Variants in VLDLR observed in about 807,000 individuals in gnomAD.
VLDLR encodes very low density lipoprotein receptor.
A neutral mutation model predicts 112.7 loss-of-function variants in VLDLR; 81 were observed. The ratio of observed to expected loss-of-function variants is 0.72; its 90% CI spans 0.60 to 0.86. The LOEUF is 0.86. VLDLR is among the 40% of genes least tolerant of loss of function. The pLI is 0.00. For synonymous variants in VLDLR, 436 were observed against 384.8 expected, an observed-to-expected ratio of 1.13 and a Z score of -1.56; for missense variants, 1,237 against 1,099.4, an observed-to-expected ratio of 1.13 and a Z score of -1.77.
rs2130746312 is a variant in VLDLR at position 2,621,959 on chromosome 9, T to G, written c.-231T>G. ...TGCCCGCAGGCTCGGCTTGCACTGC[T>G]GCTGCAGCCCGGGGAGGTGGCTGGG... On this transcript the variant is annotated 5_prime_UTR_variant, in exon 1 of 19. Coordinates refer to ENST00000382100, the MANE Select transcript of VLDLR (RefSeq NM_003383.5). 1.5e-6 allele frequency: 1 copy of G among 661,622 alleles called. No individual in the cohort carries two copies. The highest frequency in any genetic ancestry group is 3.0e-5 in the East Asian group (1 of 33,600). 41.0% of individuals were successfully genotyped at this position (661,622 alleles called of 1,614,324 possible).
intron 1 of VLDLR, among the ~76,000 whole-genome samples, chr9:2,629,202 G>C (rs1212851677): frequency 1.3e-5 from 2 of 152,212 alleles, no homozygotes; most frequent in Non-Finnish European, 2.9e-5. Context: ...TGATGCACAC[G>C]GGAGCTTGAG....
rs1212702105 is a variant in VLDLR at position 2,659,828 on chromosome 9, A to C, written c.*5960A>C. 6.6e-6 allele frequency: 1 copy of C among 152,230 alleles called. No individual in the cohort carries two copies. The highest frequency in any genetic ancestry group is 1.5e-5 in the Non-Finnish European group (1 of 68,036). 9.4% of individuals were successfully genotyped at this position (152,230 alleles called of 1,614,324 possible). On this transcript the variant is annotated 3_prime_UTR_variant, in exon 19 of 19. Coordinates refer to ENST00000382100, the MANE Select transcript of VLDLR (RefSeq NM_003383.5). ...GAAGAGAGTTTTTTTGAACAAAATG[A>C]CTGGCTTTGACAAAACTATCTTGCT...
In VLDLR at chr9:2,648,279, C is replaced by T. The variant is rs764246679; in HGVS notation, c.1894C>T (p.Gln632Ter). ...HMLSSVDLNGQDRRIVLKSLE... is the reference protein window; with the variant it reads ...HMLSSVDLNG The stretch of plus-strand genomic sequence containing the variant: ...GTTATCCAGCGTGGACTTGAATGGC[C>T]AAGATCGTAGGATAGTACTAAAGTC... The change falls in exon 13 of 19, where the codon CAA becomes TAA. Residue 632 changes from glutamine (Q) to a stop codon, truncating the protein, a stop_gained. Transcript: ENST00000382100. LOFTEE classifies it high-confidence loss of function. 2 of 1,614,056 alleles carry T rather than the reference C, an allele frequency of 1.2e-6. No homozygotes were observed. The highest frequency in any genetic ancestry group is 2.7e-5 in the African/African-American group (2 of 74,926).
chr9:2,623,779 C>A (rs1170579829), intron 1 of VLDLR, among the ~76,000 whole-genome samples: 2 of 152,146 alleles, frequency 1.3e-5, no homozygotes, highest in Non-Finnish European at 2.9e-5. Flanking sequence ...ATGCCTTCCC[C>A]TGCCTGGACT....
At chr9:2,641,555 G>T (rs200696982) in intron 4 of VLDLR, 56 bp downstream of exon 4, 2 of 1,611,902 alleles carry the variant, frequency 1.2e-6, no homozygotes, top group Non-Finnish European at 1.7e-6. Context: ...TAAAGGAAGG[G>T]TGGGCAGGGG....
rs1446840527 is a variant in VLDLR at position 2,636,195 on chromosome 9, C to T, written c.202+623C>T. On this transcript the variant is annotated intron_variant, in intron 2 of 18. Coordinates refer to ENST00000382100, the MANE Select transcript of VLDLR (RefSeq NM_003383.5). ...ATGCCTATGTATGCAATCTATACAA[C>T]CTCATGTCAAGCCAAAATAGCTGAG... is the stretch of plus-strand genomic sequence containing the variant. 2.6e-5 allele frequency among the ~76,000 whole-genome samples: 4 copies of T among 152,170 alleles called. No homozygotes were observed. The South Asian group carries it at 6.2e-4, about 24-fold the overall frequency.
intron 4 of VLDLR, among the ~76,000 whole-genome samples, chr9:2,642,949 C>CT (rs1415607604): frequency 6.6e-6 from 1 of 152,080 alleles, no homozygotes; most frequent in East Asian, 1.9e-4. Flanking sequence ...TTTCTTGGTT[C>CT]TTTATTTCTG....
intron 9 of VLDLR, among the ~76,000 whole-genome samples, 166 bp downstream of exon 9, chr9:2,645,248 T>C (rs972494201): frequency 4.6e-5 from 7 of 152,228 alleles, no homozygotes; most frequent in African/African-American, 1.7e-4. Flanking sequence ...ATCTCTCCCC[T>C]AGATATGTAC....
At chr9:2,624,336 A>AT (rs988317437) in intron 1 of VLDLR, among the ~76,000 whole-genome samples, 2 of 152,190 alleles carry the variant, frequency 1.3e-5, no homozygotes, top group African/African-American at 2.4e-5. Context: ...GTCTCAGGGC[A>AT]TGTGGGCTGA....
Position 2,622,033 on chromosome 9 carries a change from C to T in VLDLR, c.-157C>T, listed in dbSNP as rs1479616038. 1.4e-6 allele frequency: 1 copy of T among 727,920 alleles called. No individual in the cohort carries two copies. 45.1% of individuals were successfully genotyped at this position (727,920 alleles called of 1,614,324 possible). ...GTTGTAGGGGAGGGGGTGCCCTCTTCTTCCCCGCTCCCTTCCCCCGCCAAC... is the reference window on the plus strand; with the variant it reads ...GTTGTAGGGGAGGGGGTGCCCTCTTTTTCCCCGCTCCCTTCCCCCGCCAAC... On this transcript the variant is annotated 5_prime_UTR_variant, in exon 1 of 19. Coordinates refer to ENST00000382100, the MANE Select transcript of VLDLR (RefSeq NM_003383.5).
At chr9:2,647,295 G>C (rs544557567) in intron 11 of VLDLR, among the ~76,000 whole-genome samples, 179 bp from the exon 12 acceptor site, 1 of 152,178 alleles carries the variant, frequency 6.6e-6, no homozygotes, top group Non-Finnish European at 1.5e-5. Flanking sequence ...TAATGAGCTT[G>C]TAGATTCTTA....
rs1240241090 is a variant in VLDLR at position 2,643,332 on chromosome 9, C to T, written c.621C>T (p.Pro207=). 1.2e-6 allele frequency: 2 copies of T among 1,614,054 alleles called. No individual in the cohort carries two copies. Among genetic ancestry groups the T allele is most frequent in the African/African-American group, 1.3e-5 (1 of 74,924 alleles). The change falls in exon 5 of 19, where the codon CCC becomes CCT. Residue 207 remains proline (P), a synonymous_variant. Coordinates refer to ENST00000382100, the MANE Select transcript of VLDLR (RefSeq NM_003383.5). ...AGTGCAGCACCTCCTCCTGCATCCC[C>T]ATCAGCTGGGTATGCGACGATGATG... ...EFQCSTSSCI[P]ISWVCDDDAD... is the part of the protein sequence containing the mutation.
Position 2,643,943 on chromosome 9 carries a change from G to A in VLDLR, c.1050G>A (p.Glu350=). 1.9e-6 allele frequency: 3 copies of A among 1,614,056 alleles called. No individual in the cohort carries two copies. Among genetic ancestry groups the A allele is most frequent in the Non-Finnish European group, 2.5e-6 (3 of 1,180,012 alleles). ...QEQDCRDWSD[E]PLKECHINEC... ...AGGACTGCAGGGACTGGAGTGATGA[G>A]CCCCTGAAAGAGTGTCGTAAGTGTA... Residue 350 remains glutamate, a synonymous_variant, in exon 7 of 19, where the codon GAG becomes GAA. Coordinates refer to ENST00000382100, the MANE Select transcript of VLDLR (RefSeq NM_003383.5).
chr9:2,623,317 T>C (rs1323183653), intron 1 of VLDLR, among the ~76,000 whole-genome samples: 1 of 152,198 alleles, frequency 6.6e-6, no homozygotes, highest in Admixed American at 6.5e-5. Flanking sequence ...CTGAGAGGAC[T>C]CAGTCGGAAT....
Position 2,638,728 on chromosome 9 carries a change from T to C in VLDLR, c.203-1131T>C, listed in dbSNP as rs115625342. The stretch of plus-strand genomic sequence containing the variant: ...AGACTGTCCCAGTTTGGACAAAAAA[T>C]TGCATGGTAACCCTAAGTATAGGGG... On this transcript the variant is annotated intron_variant, in intron 2 of 18. Coordinates refer to ENST00000382100, the MANE Select transcript of VLDLR (RefSeq NM_003383.5). 8.2e-3 allele frequency among the ~76,000 whole-genome samples: 1,241 copies of C among 152,188 alleles called. 25 individuals carry two copies. Among genetic ancestry groups the C allele is most frequent in the African/African-American group, 0.028 (1,164 of 41,520 alleles).
At chr9:2,632,160 T>C (rs1401250632) in intron 1 of VLDLR, among the ~76,000 whole-genome samples, 1 of 152,170 alleles carries the variant, frequency 6.6e-6, no homozygotes, top group African/African-American at 2.4e-5. Context: ...GAAGAAAACC[T>C]AGACAATTTC....
At chr9:2,644,250 C>T (rs1817961057) in intron 7 of VLDLR, among the ~76,000 whole-genome samples, 2 of 149,704 alleles carry the variant, frequency 1.3e-5, no homozygotes, top group African/African-American at 4.9e-5. Context: ...CCTCTGCCTC[C>T]CGGGTTCAAG....
chr9:2,639,780 A>G, intron 2 of VLDLR, 79 bp from the exon 3 acceptor site: 6 of 1,610,820 alleles, frequency 3.7e-6, no homozygotes, highest in Non-Finnish European at 5.1e-6. Flanking sequence ...ACATGCCAAA[A>G]TGCAGTATGA....
chr9:2,633,400 C>T (rs2130774105), intron 1 of VLDLR, among the ~76,000 whole-genome samples: 1 of 152,216 alleles, frequency 6.6e-6, no homozygotes, highest in African/African-American at 2.4e-5. Context: ...TAATCCCAGG[C>T]CACTCTGAGT....
Sources: allele counts gnomAD v4.1 joint callset (sites outside exome capture counted in the v4.1 genomes callset), GRCh38; gene constraint gnomAD v4.1.1; transcripts MANE v1.5; gene names NCBI Gene and HGNC (gene_info 2026-07-23, HGNC 2026-07-21).